C12orf56: variants seen among roughly 807,000 people sequenced by gnomAD.
C12orf56 encodes the protein uncharacterized protein C12orf56.
C12orf56 carries 71 observed loss-of-function variants against 69.9 expected under a neutral mutation model. The ratio of observed to expected loss-of-function variants is 1.02; its 90% CI spans 0.84 to 1.24. The LOEUF is 1.24. Ranked by LOEUF, C12orf56 falls within the 50% of genes most tolerant of loss-of-function variation. The probability of loss-of-function intolerance (pLI) is 0.00; values close to 1 mark genes in which losing one functional copy is unlikely to be tolerated. For missense variants in C12orf56, 732 were observed against 738.5 expected (o/e 0.99, Z 0.10); for synonymous variants, 276 against 274.1 (o/e 1.01, Z -0.07).
At chr12:64,294,232 T>G (rs1331134591) in intron 6 of C12orf56, among the ~76,000 whole-genome samples, 2 of 152,060 alleles carry the variant, frequency 1.3e-5, no homozygotes, top group African/African-American at 4.8e-5. Context: ...TATATACTGT[T>G]GGTGGAAGTA....
At chr12:64,384,319 T>C (rs954079660) in intron 1 of C12orf56, among the ~76,000 whole-genome samples, 4 of 152,140 alleles carry the variant, frequency 2.6e-5, no homozygotes, top group African/African-American at 9.7e-5. Flanking sequence ...TTTTGTGGTA[T>C]CATAGCATCC....
At chr12:64,354,459 C>CT (rs535567236) in intron 1 of C12orf56, among the ~76,000 whole-genome samples, 2,633 of 148,576 alleles carry the variant, frequency 0.018, 80 homozygotes, top group African/African-American at 0.06. Flanking sequence ...TCCCATCTCT[C>CT]TTTTTTTTTT....
chr12:64,280,217 C>T (rs1361873526), intron 8 of C12orf56, among the ~76,000 whole-genome samples: 1 of 152,094 alleles, frequency 6.6e-6, no homozygotes, highest in African/African-American at 2.4e-5. Flanking sequence ...TTAAAATCCA[C>T]TAGGACAATA....
chr12:64,278,161 A>G (rs2038078980), intron 8 of C12orf56, among the ~76,000 whole-genome samples: 1 of 152,334 alleles, frequency 6.6e-6, no homozygotes. Context: ...TAGTTAAAAT[A>G]GATTCTGTGG....
intron 4 of C12orf56, among the ~76,000 whole-genome samples, chr12:64,317,709 G>A (rs570860232): frequency 1.1e-4 from 17 of 151,214 alleles, no homozygotes; most frequent in African/African-American, 2.7e-4. Context: ...TCAGTGAGCC[G>A]AGATCACACC....
intron 2 of C12orf56, among the ~76,000 whole-genome samples, chr12:64,346,379 C>A (rs1235723142): frequency 6.6e-6 from 1 of 152,080 alleles, no homozygotes; most frequent in Non-Finnish European, 1.5e-5. Context: ...TTATGCCCAC[C>A]CAGATAAAGG....
chr12:64,308,996 GGAAA>G (rs1215390441), intron 5 of C12orf56, among the ~76,000 whole-genome samples: 9 of 97,542 alleles, frequency 9.2e-5, no homozygotes, highest in Non-Finnish European at 1.3e-4. Context: ...AAAGAAAGAA[GGAAA>G]GAAAGAAGAA....
chr12:64,313,274 A>AAAAGAAAGAAAGAAAG (rs760452951), intron 4 of C12orf56, among the ~76,000 whole-genome samples: 59 of 81,410 alleles, frequency 7.2e-4, no homozygotes, highest in East Asian at 1.2e-3. Context: ...AAAAAAAAAA[A>AAAAGAAAGAAAGAAAG]AAAGAAAGAA....
intron 1 of C12orf56, among the ~76,000 whole-genome samples, chr12:64,383,526 G>A (rs1007098880): frequency 1.3e-5 from 2 of 151,896 alleles, no homozygotes; most frequent in Non-Finnish European, 2.9e-5. Context: ...ACAGACGCGT[G>A]CCACCACATC....
intron 9 of C12orf56, among the ~76,000 whole-genome samples, chr12:64,276,001 ACCC>A (rs57825864): frequency 6.9e-6 from 1 of 145,004 alleles, no homozygotes; most frequent in East Asian, 2.0e-4. Flanking sequence ...AGAAATACAC[ACCC>A]CCCCCCGCGA....
intron 8 of C12orf56, among the ~76,000 whole-genome samples, chr12:64,281,198 AG>A (rs1323285455): frequency 1.3e-5 from 2 of 151,910 alleles, no homozygotes; most frequent in Non-Finnish European, 2.9e-5. Context: ...GCTTGAACCC[AG>A]GGGGCGGAGA....
intron 7 of C12orf56, among the ~76,000 whole-genome samples, chr12:64,285,728 C>A (rs181977422): frequency 3.5e-4 from 53 of 152,212 alleles, no homozygotes; most frequent in African/African-American, 1.2e-3. Flanking sequence ...GCAGAAATTG[C>A]AGTGGGCAAA....
chr12:64,330,404 G>A (rs2038914229), intron 3 of C12orf56, among the ~76,000 whole-genome samples: 1 of 152,060 alleles, frequency 6.6e-6, no homozygotes, highest in Non-Finnish European at 1.5e-5. Context: ...TCCTCCAACT[G>A]CAGTGTCCCC....
chr12:64,371,899 A>AT (rs2039575878), intron 1 of C12orf56, among the ~76,000 whole-genome samples: 3 of 139,102 alleles, frequency 2.2e-5, no homozygotes, highest in African/African-American at 5.7e-5. Flanking sequence ...CTTGGCAATG[A>AT]TTTCTTTTTT....
Position 64,352,994 on chromosome 12 carries a change from G to A in C12orf56, c.315C>T (p.Ile105=). 11 of 1,612,596 alleles carry A rather than the reference G, an allele frequency of 6.8e-6. No homozygotes were observed. The highest frequency in any genetic ancestry group is 9.3e-6 in the Non-Finnish European group (11 of 1,179,582). The change falls in exon 2 of 13, where the codon ATC becomes ATT. Residue 105 remains isoleucine, a synonymous_variant. Coordinates refer to ENST00000543942, the MANE Select transcript of C12orf56 (RefSeq NM_001170633.2). ...TTTTCAAAACGGTTGAAGAATAGAT[G>A]ATACGAATGTGTTGGCTGATTTCTC... ...PDREISQHIR[I]IYSSTVLKKE... is the part of the protein sequence containing the mutation.
chr12:64,347,159 G>A (rs149332607), intron 2 of C12orf56, among the ~76,000 whole-genome samples: 115 of 151,952 alleles, frequency 7.6e-4, no homozygotes, highest in African/African-American at 2.6e-3. Context: ...TGTATTTGTA[G>A]TAGAGACGGG....
At chr12:64,279,935 C>T (rs1592414308) in intron 8 of C12orf56, among the ~76,000 whole-genome samples, 1 of 152,222 alleles carries the variant, frequency 6.6e-6, no homozygotes, top group South Asian at 2.1e-4. Context: ...TTTTCAGTAA[C>T]AGCTTATTTT....
Position 64,390,679 on chromosome 12 carries a change from C to T in C12orf56, c.-114G>A. On this transcript the variant is annotated 5_prime_UTR_variant, in exon 1 of 13. Coordinates refer to ENST00000543942, the MANE Select transcript of C12orf56 (RefSeq NM_001170633.2). The stretch of plus-strand genomic sequence containing the variant: ...AAAGCCGCCGGCCACGCGTCGCCTC[C>T]TCTCCAGGCGCGGGGACCCGGGCCG... The T allele has an allele frequency of 5.2e-6, 7 of 1,344,978 alleles. No homozygotes were observed. Among genetic ancestry groups the T allele is most frequent in the Non-Finnish European group, 6.7e-6 (7 of 1,047,966 alleles). 83.3% of individuals were successfully genotyped at this position (1,344,978 alleles called of 1,614,324 possible). A position where few individuals can be genotyped will look rare whatever the true frequency, so the allele number is the denominator to read the frequency against.
chr12:64,301,773 T>C (rs960086911), intron 6 of C12orf56, among the ~76,000 whole-genome samples: 2 of 152,186 alleles, frequency 1.3e-5, no homozygotes, highest in Non-Finnish European at 2.9e-5. Context: ...ACCCTTGGTT[T>C]GGTCCAGGAA....
Sources: allele counts gnomAD v4.1 joint callset (sites outside exome capture counted in the v4.1 genomes callset), GRCh38; gene constraint gnomAD v4.1.1; transcripts MANE v1.5; gene names NCBI Gene and HGNC (gene_info 2026-07-23, HGNC 2026-07-21).